Variants in VCP observed in about 807,000 individuals in gnomAD.
VCP encodes transitional endoplasmic reticulum ATPase.
VCP carries 6 observed loss-of-function variants against 85.7 expected under a neutral mutation model. The observed-to-expected ratio is 0.07, with a 90% CI of 0.04 to 0.14. The LOEUF (loss-of-function observed/expected upper bound fraction) is 0.14, where lower values mean the gene tolerates loss of function less well. Ranked by LOEUF, VCP falls within the 10% of genes least tolerant of loss-of-function variation. The pLI is 1.00. For missense variants in VCP, 353 were observed against 1,043.4 expected (o/e 0.34, Z 9.12); for synonymous variants, 384 against 367.1 (o/e 1.05, Z -0.53).
intron 15 of VCP, 128 bp downstream of exon 15, chr9:35,058,936 T>TG: frequency 7.9e-7 from 1 of 1,268,026 alleles, no homozygotes; most frequent in South Asian, 1.2e-5. Context: ...TTATCTTTGA[T>TG]GCCCTATTAA....
chr9:35,058,999 G>A, intron 15 of VCP, 65 bp downstream of exon 15: 1 of 1,601,510 alleles, frequency 6.2e-7, no homozygotes, highest in Non-Finnish European at 8.5e-7. Flanking sequence ...CAACTCCAGG[G>A]CATGGTGGTG....
intron 1 of VCP, among the ~76,000 whole-genome samples, chr9:35,069,545 C>T (rs1314092510): frequency 6.6e-6 from 1 of 151,598 alleles, no homozygotes; most frequent in Non-Finnish European, 1.5e-5. Flanking sequence ...CTCCACCTCC[C>T]GGGTTCAAGT....
rs1828742657 is a variant in VCP at position 35,062,356 on chromosome 9, A to C, written c.812-6T>G. 6.2e-7 allele frequency: 1 copy of C among 1,614,118 alleles called. No homozygotes were observed. The highest frequency in any genetic ancestry group is 1.3e-5 in the African/African-American group (1 of 75,050). ...TTTGCTCATGATCTCAGGACCTGAAAGGATACAGAATGGAGACAATAACAA... is the reference window on the plus strand; with the variant it reads ...TTTGCTCATGATCTCAGGACCTGAACGGATACAGAATGGAGACAATAACAA... On this transcript the variant is annotated splice_polypyrimidine_tract_variant and splice_region_variant and intron_variant, in intron 7 of 16. Transcript: ENST00000358901.
intron 1 of VCP, among the ~76,000 whole-genome samples, chr9:35,070,962 G>A (rs575501259): frequency 6.6e-6 from 1 of 152,274 alleles, no homozygotes; most frequent in South Asian, 2.1e-4. Context: ...ATCCTCCATT[G>A]TCTTCTGTAT....
intron 10 of VCP, among the ~76,000 whole-genome samples, 172 bp from the exon 11 acceptor site, chr9:35,061,351 G>A (rs1344264317): frequency 2.0e-5 from 3 of 152,036 alleles, no homozygotes. Context: ...TCTGGACTTG[G>A]GACCTAGAAA....
At chr9:35,070,399 T>C (rs1198107721) in intron 1 of VCP, among the ~76,000 whole-genome samples, 1 of 152,180 alleles carries the variant, frequency 6.6e-6, no homozygotes, top group Admixed American at 6.5e-5. Context: ...GAACTGGGAC[T>C]GGAGAAAAAT....
rs200911363 is a variant in VCP, at chr9:35,065,315, C to T, written c.512G>A (p.Ser171Asn). The change falls in exon 5 of 17, where the codon AGC becomes AAC. Residue 171 changes from serine (S) to asparagine (N), a missense_variant. Ser to Asn is a conservative substitution (Grantham distance 46). Coordinates refer to ENST00000358901, the MANE Select transcript of VCP (RefSeq NM_007126.5). ...VEFKVVETDP[S>N]PYCIVAPDTV... ...GTCTGGAGCAACAATGCAATAAGGG[C>T]TAGGATCTGTTTCCACCACTTTGAA... 10 of 1,614,204 alleles carry T rather than the reference C, an allele frequency of 6.2e-6. No homozygotes were observed. In the African/African-American group the frequency reaches 1.3e-4, roughly 22 times the overall value.
chr9:35,071,535 G>A (rs1828945253), intron 1 of VCP, among the ~76,000 whole-genome samples: 3 of 152,076 alleles, frequency 2.0e-5, no homozygotes, highest in Admixed American at 6.5e-5. Flanking sequence ...AATCTGGAAA[G>A]GCGCACAAAA....
At chr9:35,067,508 C>T (rs1828856621) in intron 3 of VCP, among the ~76,000 whole-genome samples, 1 of 152,144 alleles carries the variant, frequency 6.6e-6, no homozygotes, top group African/African-American at 2.4e-5. Flanking sequence ...TCATTCCAAC[C>T]CCAACACAAG....
intron 7 of VCP, among the ~76,000 whole-genome samples, 198 bp downstream of exon 7, chr9:35,062,780 G>T (rs149059712): frequency 1.4e-4 from 22 of 152,216 alleles, no homozygotes; most frequent in African/African-American, 5.3e-4. Context: ...TTTCTCAAAG[G>T]GGGCAGGACA....
chr9:35,059,884 G>C lies in VCP; in HGVS notation c.1696-83C>G, dbSNP rs1587120604. ...GTGGTGGCTCACACCTGTATTCCCAGCACTTTGGGAGGCCAAGGTGGGAGG... is the reference window on the plus strand; with the variant it reads ...GTGGTGGCTCACACCTGTATTCCCACCACTTTGGGAGGCCAAGGTGGGAGG... On this transcript the variant is annotated intron_variant, in intron 13 of 16. Coordinates refer to ENST00000358901, the MANE Select transcript of VCP (RefSeq NM_007126.5). This position sits in a 1 kb window ranked among gnomAD's most constrained non-coding sequence, Gnocchi z 4.9. The C allele has an allele frequency of 1.8e-5, 29 of 1,577,332 alleles. No individual in the cohort carries two copies. Among genetic ancestry groups the C allele is most frequent in the Admixed American group, 3.4e-5 (2 of 59,102 alleles).
Position 35,057,536 on chromosome 9 carries a change from G to C in VCP, c.2161-6C>G. On this transcript the variant is annotated splice_region_variant and splice_polypyrimidine_tract_variant and intron_variant, in intron 15 of 16. Transcript: ENST00000358901. ...GGATCATCCTCTTCTACCTCCTATA[G>C]TTGGTAAACACAGATCACTAGGGCT... The C allele has an allele frequency of 6.2e-7, 1 of 1,607,630 alleles. No individual in the cohort carries two copies. Among genetic ancestry groups the C allele is most frequent in the Admixed American group, 1.7e-5 (1 of 60,022 alleles).
chr9:35,069,426 T>A (rs990962439), intron 1 of VCP, among the ~76,000 whole-genome samples: 1 of 145,278 alleles, frequency 6.9e-6, no homozygotes, highest in East Asian at 2.1e-4. Flanking sequence ...CTTACTAGAC[T>A]CAGCAAGCTC....
At chr9:35,071,939 C>A (rs1021802379) in intron 1 of VCP, 1 of 1,045,006 alleles carries the variant, frequency 9.6e-7, no homozygotes, top group Non-Finnish European at 1.2e-6. Context: ...TCTCCGGGGA[C>A]CAAAGGCTTT....
rs1828602013 is a variant in VCP, at chr9:35,056,238, T to C, written c.*879A>G. ...GTATTCTTTTGCAACCCTGCGATTT[T>C]CAAATGGCACCCCAACACAGTCTTT... On this transcript the variant is annotated 3_prime_UTR_variant, in exon 17 of 17. Coordinates refer to ENST00000358901, the MANE Select transcript of VCP (RefSeq NM_007126.5). The C allele has an allele frequency of 6.6e-6, 1 of 152,230 alleles. No homozygotes were observed. Among genetic ancestry groups the C allele is most frequent in the African/African-American group, 2.4e-5 (1 of 41,464 alleles). 9.4% of individuals were successfully genotyped at this position (152,230 alleles called of 1,614,324 possible).
chr9:35,068,189 A>T lies in VCP; in HGVS notation c.129+62T>A, dbSNP rs571295272. 1.9e-6 allele frequency: 3 copies of T among 1,607,440 alleles called. No individual in the cohort carries two copies. The African/African-American group carries it at 4.0e-5, about 21-fold the overall frequency. On this transcript the variant is annotated intron_variant, in intron 2 of 16. Coordinates refer to ENST00000358901, the MANE Select transcript of VCP (RefSeq NM_007126.5). ...TCACTGCAAGAAAAATGAGAAAAGAAACCTGGGAAAATCCCTCAAGTAAGT... is the reference window on the plus strand; with the variant it reads ...TCACTGCAAGAAAAATGAGAAAAGATACCTGGGAAAATCCCTCAAGTAAGT...
At chr9:35,061,255 T>A (rs1828715542) in intron 10 of VCP, 76 bp from the exon 11 acceptor site, 1 of 1,583,088 alleles carries the variant, frequency 6.3e-7, no homozygotes, top group Non-Finnish European at 8.6e-7. Flanking sequence ...AATAGAATCC[T>A]TCCCCTGACT....
At chr9:35,063,610 T>G (rs890450842) in intron 6 of VCP, among the ~76,000 whole-genome samples, 1 of 152,172 alleles carries the variant, frequency 6.6e-6, no homozygotes, top group Admixed American at 6.5e-5. Flanking sequence ...ACTGTCCACA[T>G]AGAAAATGAA....
rs753221407 is a variant in VCP, at chr9:35,067,895, T to C, written c.298A>G (p.Ile100Val). The C allele has an allele frequency of 1.2e-6, 2 of 1,614,196 alleles. No individual in the cohort carries two copies. The highest frequency in any genetic ancestry group is 1.7e-6 in the Non-Finnish European group (2 of 1,180,022). ...NNLRVRLGDV[I>V]SIQPCPDVKY... ...AGCCAAAAACCCCACACACACCTGATGACATCCCCTAGGCGTACACGAAGG... is the reference window on the plus strand; with the variant it reads ...AGCCAAAAACCCCACACACACCTGACGACATCCCCTAGGCGTACACGAAGG... Residue 100 changes from isoleucine (I) to valine (V), a missense_variant, in exon 3 of 17, where the codon ATC becomes GTC. Physicochemically the swap from Ile to Val is conservative, Grantham distance 29. Around this residue, in one of 8 missense-constraint regions of VCP, gnomAD observed 69 missense variants for 132.9 expected, o/e 0.52. Transcript: ENST00000358901.
Sources: gnomAD v4.1 joint callset for allele counts (sites outside exome capture counted in the v4.1 genomes callset) on GRCh38, gnomAD v4.1.1 for gene constraint, gnomAD v4.1.1 regional missense constraint, Gnocchi (gnomAD v3.1) non-coding constraint, MANE v1.5 for transcripts, NCBI Gene and HGNC (gene_info 2026-07-23, HGNC 2026-07-21) for gene names.